The following MCTP1 variants were observed in gnomAD, a reference collection of about 807,000 sequenced individuals.
MCTP1 encodes the protein multiple C2 and transmembrane domain containing 1.
A neutral mutation model predicts 120.6 loss-of-function variants in MCTP1; 69 were observed. The observed-to-expected ratio is 0.57, with a 90% CI of 0.47 to 0.70. MCTP1 has a LOEUF of 0.70. Among genes scored for constraint, MCTP1 ranks in the 30% least tolerant of loss-of-function variants. The pLI is 0.00. For synonymous variants in MCTP1, 529 were observed against 493.1 expected, an observed-to-expected ratio of 1.07 and a Z score of -0.96; for missense variants, 1,203 against 1,248.8, an observed-to-expected ratio of 0.96 and a Z score of 0.55.
chr5:94,709,904 T>G (rs1331010397), intron 21 of MCTP1: 1 of 152,088 alleles, frequency 6.6e-6, no homozygotes, highest in Non-Finnish European at 1.5e-5. Flanking sequence ...TCATCAGACT[T>G]GAACTCACTT....
At chr5:94,765,557 C>T (rs1232766320) in intron 19 of MCTP1, among the ~76,000 whole-genome samples, 4 of 151,674 alleles carry the variant, frequency 2.6e-5, no homozygotes, top group Non-Finnish European at 2.9e-5. Context: ...AAAAATTAGC[C>T]AGGTATGGTG....
chr5:94,949,501 T>C (rs1167638276), intron 3 of MCTP1, among the ~76,000 whole-genome samples: 1 of 152,138 alleles, frequency 6.6e-6, no homozygotes, highest in Non-Finnish European at 1.5e-5. Context: ...TTCCAACCAA[T>C]TGCAAAGAAT....
intron 1 of MCTP1, among the ~76,000 whole-genome samples, chr5:95,277,690 A>G (rs1759963059): frequency 6.6e-6 from 1 of 152,206 alleles, no homozygotes; most frequent in Admixed American, 6.5e-5. Flanking sequence ...ATAAGTTCAG[A>G]TTGTTAATGC....
At chr5:94,722,503 C>T (rs1251567191) in intron 19 of MCTP1, among the ~76,000 whole-genome samples, 1 of 152,136 alleles carries the variant, frequency 6.6e-6, no homozygotes, top group Non-Finnish European at 1.5e-5. Flanking sequence ...AATGTTATTT[C>T]ACTTCCTAAG....
intron 1 of MCTP1, among the ~76,000 whole-genome samples, chr5:95,024,878 T>C (rs1431780456): frequency 6.6e-6 from 1 of 152,144 alleles, no homozygotes; most frequent in East Asian, 1.9e-4. Flanking sequence ...GAAAGATCTG[T>C]GTATTAAAAA....
Position 95,040,377 on chromosome 5 carries a change from T to G in MCTP1, c.721-22893A>C, listed in dbSNP as rs1278892380. ...CGCTTGAACCTGAGAGGCGGAAGGT[T>G]GCAGCAAGCTGAGATGGTGCTACTG... On this transcript the variant is annotated intron_variant, in intron 1 of 22. Transcript: ENST00000515393. Among the ~76,000 whole-genome samples, 5 of 151,386 alleles carry G rather than the reference T, an allele frequency of 3.3e-5. No individual in the cohort carries two copies. The East Asian group carries it at 9.7e-4, about 29-fold the overall frequency.
chr5:94,819,797 C>T lies in MCTP1; in HGVS notation c.2437-20665G>A, dbSNP rs941946618. 1.8e-4 allele frequency among the ~76,000 whole-genome samples: 28 copies of T among 152,180 alleles called. 1 individual carries two copies. The highest frequency in any genetic ancestry group is 6.5e-4 in the African/African-American group (27 of 41,432). On this transcript the variant is annotated intron_variant, in intron 17 of 22. Transcript: ENST00000515393. Reference sequence around the variant, plus strand: ...TAGGCACAATATTTTACCATTGACTCCTGCAGCTTTTAGGAAAATTGGCCA... The same window carrying T: ...TAGGCACAATATTTTACCATTGACTTCTGCAGCTTTTAGGAAAATTGGCCA...
At chr5:95,080,786 C>A (rs147271109) in intron 1 of MCTP1, among the ~76,000 whole-genome samples, 2 of 152,268 alleles carry the variant, frequency 1.3e-5, no homozygotes, top group Non-Finnish European at 2.9e-5. Flanking sequence ...TCTAGCCATG[C>A]AATTTGTATG....
chr5:94,808,086 C>T (rs1255763628), intron 17 of MCTP1, among the ~76,000 whole-genome samples: 1 of 152,086 alleles, frequency 6.6e-6, no homozygotes, highest in Non-Finnish European at 1.5e-5. Context: ...CCCCTTATGC[C>T]CATTTACACT....
chr5:95,082,882 C>T (rs1453357896), intron 1 of MCTP1, among the ~76,000 whole-genome samples: 1 of 152,168 alleles, frequency 6.6e-6, no homozygotes, highest in Admixed American at 6.5e-5. Context: ...CAAATATTCT[C>T]TTTTCAGAAC....
intron 5 of MCTP1, among the ~76,000 whole-genome samples, chr5:94,939,767 A>G (rs1236776607): frequency 6.6e-6 from 1 of 152,010 alleles, no homozygotes; most frequent in Non-Finnish European, 1.5e-5. Flanking sequence ...CAAGTATTCA[A>G]TTCACTAATA....
chr5:95,216,653 A>G (rs992873483), intron 1 of MCTP1, among the ~76,000 whole-genome samples: 2 of 152,216 alleles, frequency 1.3e-5, no homozygotes, highest in Non-Finnish European at 2.9e-5. Context: ...GGCAAGAGAC[A>G]TAAGGTCACA....
chr5:95,129,235 T>C (rs1356022933), intron 1 of MCTP1, among the ~76,000 whole-genome samples: 3 of 152,116 alleles, frequency 2.0e-5, no homozygotes, highest in Admixed American at 1.3e-4. Flanking sequence ...AAAAATCAAG[T>C]TATTGTATTT....
intron 3 of MCTP1, among the ~76,000 whole-genome samples, chr5:94,950,389 A>G (rs1439759159): frequency 1.3e-5 from 2 of 152,154 alleles, no homozygotes; most frequent in African/African-American, 4.8e-5. Flanking sequence ...AGTGATTTAA[A>G]AAAAACCCAA....
chr5:95,095,317 C>A lies in MCTP1; in HGVS notation c.721-77833G>T, dbSNP rs543604516. Among the ~76,000 whole-genome samples, 34 of 152,264 alleles carry A rather than the reference C, an allele frequency of 2.2e-4. 2 individuals are homozygous for A. Among genetic ancestry groups the A allele is most frequent in the African/African-American group, 6.7e-4 (28 of 41,552 alleles). On this transcript the variant is annotated intron_variant, in intron 1 of 22. Coordinates refer to ENST00000515393, the MANE Select transcript of MCTP1 (RefSeq NM_024717.7). ...GGATTACAGGCGTGAGCCACCGCGCCCGGCCTTATGTTAGATTTTTATAAC... is the reference window on the plus strand; with the variant it reads ...GGATTACAGGCGTGAGCCACCGCGCACGGCCTTATGTTAGATTTTTATAAC...
intron 19 of MCTP1, among the ~76,000 whole-genome samples, chr5:94,723,146 G>A (rs974321570): frequency 3.3e-5 from 5 of 152,120 alleles, no homozygotes; most frequent in Non-Finnish European, 7.4e-5. Flanking sequence ...CTTGGCTACT[G>A]AATCTTATCT....
At chr5:94,861,505 T>G (rs1795777977) in intron 17 of MCTP1, among the ~76,000 whole-genome samples, 1 of 151,996 alleles carries the variant, frequency 6.6e-6, no homozygotes, top group South Asian at 2.1e-4. Flanking sequence ...GAATCTCTGT[T>G]ATAATTTACA....
chr5:95,172,193 G>C lies in MCTP1; in HGVS notation c.720+111663C>G, dbSNP rs4380693. On this transcript the variant is annotated intron_variant, in intron 1 of 22. Transcript: ENST00000515393. ...GGTCCACTCCAGACCGTTTGCCTAC[G>C]TATCAGCAGTGGAGGCTGCAGAACA... Among the ~76,000 whole-genome samples the C allele has an allele frequency of 2.6e-5, 4 of 152,268 alleles. No homozygotes were observed. In the East Asian group the frequency reaches 7.7e-4, roughly 29 times the overall value.
At chr5:94,708,856 T>A (rs1755674238) in intron 21 of MCTP1, 1 of 336,666 alleles carries the variant, frequency 3.0e-6, no homozygotes, top group Non-Finnish European at 5.5e-6. Flanking sequence ...TGGGGGTTAA[T>A]TAGCAATATC....
Sources: gnomAD v4.1 joint callset for allele counts (sites outside exome capture counted in the v4.1 genomes callset) on GRCh38, gnomAD v4.1.1 for gene constraint, MANE v1.5 for transcripts, NCBI Gene and HGNC (gene_info 2026-07-23, HGNC 2026-07-21) for gene names.